UNC80: variants seen among roughly 807,000 people sequenced by gnomAD.
The protein encoded by UNC80 is protein unc-80 homolog.
A neutral mutation model predicts 384.6 loss-of-function variants in UNC80; 164 were observed. The observed-to-expected ratio is 0.43, with a 90% CI of 0.38 to 0.49. The LOEUF is 0.49. UNC80 is among the 20% of genes least tolerant of loss of function. The probability of loss-of-function intolerance (pLI) is 0.00; values close to 1 mark genes in which losing one functional copy is unlikely to be tolerated. For synonymous variants in UNC80, 1,486 were observed against 1,527.8 expected (o/e 0.97, Z 0.64); for missense variants, 3,330 against 4,143.0 (o/e 0.80, Z 5.39).
intron 36 of UNC80, among the ~76,000 whole-genome samples, chr2:209,927,352 C>T (rs1011573246): frequency 3.3e-5 from 5 of 152,168 alleles, no homozygotes; most frequent in South Asian, 2.1e-4. Flanking sequence ...CCTTTCCTGA[C>T]GTGCTAACTA....
intron 44 of UNC80, among the ~76,000 whole-genome samples, chr2:209,942,592 G>T (rs1266310746): frequency 6.6e-6 from 1 of 152,120 alleles, no homozygotes; most frequent in Non-Finnish European, 1.5e-5. Context: ...TAAAAATTAT[G>T]ATCACAACAC....
chr2:209,772,677 A>G (rs1432848362), intron 1 of UNC80, among the ~76,000 whole-genome samples: 3 of 152,182 alleles, frequency 2.0e-5, no homozygotes, highest in Non-Finnish European at 4.4e-5. Flanking sequence ...CCTGACACCT[A>G]TTCCAATAAA....
In UNC80 at chr2:209,887,740, C is replaced by CTTTTTAAAAAT; in HGVS notation, c.4111-355_4111-354insTTTTTAAAAAT. Among the ~76,000 whole-genome samples, 5 of 152,266 alleles carry CTTTTTAAAAAT rather than the reference C, an allele frequency of 3.3e-5. No individual in the cohort carries two copies. In the South Asian group the frequency reaches 8.3e-4, roughly 25 times the overall value. ...ATTTATCCTTCAGTACCTAACACAT[C>CTTTTTAAAAAT]CATGCTTGATGCATGATTTTTAAAT... On this transcript the variant is annotated intron_variant, in intron 25 of 64. Coordinates refer to ENST00000673920, the MANE Select transcript of UNC80 (RefSeq NM_001371986.1).
In UNC80 at chr2:209,842,331, T is replaced by A; in HGVS notation, c.3358-19T>A. 1 of 1,497,142 alleles carries A rather than the reference T, an allele frequency of 6.7e-7. No homozygotes were observed. The highest frequency in any genetic ancestry group is 9.0e-7 in the Non-Finnish European group (1 of 1,107,352). 92.7% of individuals were successfully genotyped at this position (1,497,142 alleles called of 1,614,324 possible). A position where few individuals can be genotyped will look rare whatever the true frequency, so the allele number is the denominator to read the frequency against. Reference sequence around the variant, plus strand: ...TTTGAATCTTATCTCTCTACTTTCCTTTTTTTTTCTTTTTTCAGGTCAAAT... The same window carrying A: ...TTTGAATCTTATCTCTCTACTTTCCATTTTTTTTCTTTTTTCAGGTCAAAT... On this transcript the variant is annotated intron_variant, in intron 20 of 64. Coordinates refer to ENST00000673920, the MANE Select transcript of UNC80 (RefSeq NM_001371986.1).
At chr2:209,818,927 A>G (rs1193550157) in intron 11 of UNC80, 66 bp from the exon 12 acceptor site, 5 of 1,485,864 alleles carry the variant, frequency 3.4e-6, no homozygotes, top group African/African-American at 1.4e-5. Context: ...AAGTAATAGT[A>G]TAACTGTCTA....
chr2:209,973,638 G>A lies in UNC80; in HGVS notation c.8587+368G>A, dbSNP rs867265515. On this transcript the variant is annotated intron_variant, in intron 56 of 64. Transcript: ENST00000673920. ...TCTGCAGTAAAGATTCTTCCATGCTGATTAAGTACCAGATCACTAGTGAGG... is the reference window on the plus strand; with the variant it reads ...TCTGCAGTAAAGATTCTTCCATGCTAATTAAGTACCAGATCACTAGTGAGG... Among the ~76,000 whole-genome samples the A allele has an allele frequency of 3.3e-5, 5 of 152,310 alleles. No homozygotes were observed. In the South Asian group the frequency reaches 1.0e-3, roughly 32 times the overall value.
chr2:209,775,805 T>C, intron 2 of UNC80, 84 bp from the exon 3 acceptor site: 1 of 1,435,538 alleles, frequency 7.0e-7, no homozygotes, highest in Non-Finnish European at 9.5e-7. Context: ...TGTTCATTTT[T>C]TCACTAACCA....
chr2:209,939,504 G>A lies in UNC80; in HGVS notation c.6498G>A (p.Arg2166=). ...VFTRKLEEVG[R]VLFLISLTQK... ...CCCGAAAGCTGGAAGAAGTAGGGCG[G>A]GTGTTGTTTCTCATCTCCCTAACCC... The change falls in exon 43 of 65, where the codon CGG becomes CGA. Residue 2166 remains arginine, a synonymous_variant. Transcript: ENST00000673920. 6.4e-7 allele frequency: 1 copy of A among 1,551,118 alleles called. No homozygotes were observed.
Position 209,973,123 on chromosome 2 carries a change from C to A in UNC80, c.8440C>A (p.Leu2814Ile), listed in dbSNP as rs750786142. The A allele has an allele frequency of 6.4e-6, 10 of 1,551,544 alleles. No homozygotes were observed. ...GCTGCTGCAGACAGTCATCAATGTA[C>A]TCCTCCCACCGCGGATCATCAGCAC... is the stretch of plus-strand genomic sequence containing the variant. ...QLLLQTVINVLLPPRIISTSR... is the reference protein window; with the variant it reads ...QLLLQTVINVILPPRIISTSR... Residue 2814 changes from leucine (L) to isoleucine (I), a missense_variant, in exon 56 of 65, where the codon CTC (leucine) becomes ATC (isoleucine). By Grantham distance (5) the Leu-to-Ile change is conservative (BLOSUM62 2). Transcript: ENST00000673920.
At chr2:209,784,232 A>G (rs2077301695) in intron 4 of UNC80, among the ~76,000 whole-genome samples, 1 of 152,110 alleles carries the variant, frequency 6.6e-6, no homozygotes, top group South Asian at 2.1e-4. Context: ...TTTCACCTAT[A>G]TAACAATAGC....
intron 23 of UNC80, among the ~76,000 whole-genome samples, chr2:209,876,633 T>C (rs964741229): frequency 6.6e-6 from 1 of 152,182 alleles, no homozygotes; most frequent in African/African-American, 2.4e-5. Context: ...TTGGCTCCAT[T>C]CCAGACTCAT....
intron 7 of UNC80, among the ~76,000 whole-genome samples, chr2:209,806,246 C>A (rs1037878150): frequency 6.6e-6 from 1 of 152,140 alleles, no homozygotes; most frequent in Admixed American, 6.6e-5. Flanking sequence ...GACATGTAGA[C>A]AGTAAATGAT....
At chr2:209,777,666 A>G (rs2076941622) in intron 4 of UNC80, 107 bp downstream of exon 4, 7 of 1,226,866 alleles carry the variant, frequency 5.7e-6, no homozygotes, top group Non-Finnish European at 8.0e-6. Context: ...ATGACCTTAC[A>G]GCAAGTCAAG....
chr2:209,962,762 G>T (rs2092632825), intron 51 of UNC80, among the ~76,000 whole-genome samples: 1 of 152,138 alleles, frequency 6.6e-6, no homozygotes, highest in Non-Finnish European at 1.5e-5. Context: ...GCTGATTAGG[G>T]GCAGATCCAG....
chr2:209,873,199 C>A (rs1409128837), intron 23 of UNC80, among the ~76,000 whole-genome samples: 2 of 152,158 alleles, frequency 1.3e-5, no homozygotes, highest in East Asian at 3.9e-4. Context: ...GAAGTTTATA[C>A]AGGTCAAGCG....
At chr2:209,840,255 G>T (rs542892285) in intron 19 of UNC80, among the ~76,000 whole-genome samples, 1 of 152,322 alleles carries the variant, frequency 6.6e-6, no homozygotes, top group South Asian at 2.1e-4. Flanking sequence ...CATTTGAGAA[G>T]TATTTAAGAG....
chr2:209,785,914 A>G, intron 4 of UNC80, 152 bp from the exon 5 acceptor site: 4 of 864,900 alleles, frequency 4.6e-6, no homozygotes, highest in Admixed American at 2.6e-5. Flanking sequence ...GGTTTACTCT[A>G]GAAACATTCA....
chr2:209,971,140 ATTC>A (rs1433863333), intron 54 of UNC80, among the ~76,000 whole-genome samples, 183 bp downstream of exon 54: 1 of 152,148 alleles, frequency 6.6e-6, no homozygotes, highest in Non-Finnish European at 1.5e-5. Context: ...TGCTTCTGTA[ATTC>A]TTCTTGAGAT....
intron 21 of UNC80, among the ~76,000 whole-genome samples, chr2:209,849,023 C>A (rs78466245): frequency 0.013 from 1,943 of 152,116 alleles, 45 homozygotes; most frequent in African/African-American, 0.043. Flanking sequence ...CATGCTGTAC[C>A]CAATGTACAC....
Sources: allele counts gnomAD v4.1 joint callset (sites outside exome capture counted in the v4.1 genomes callset), GRCh38; gene constraint gnomAD v4.1.1; transcripts MANE v1.5; gene names NCBI Gene and HGNC (gene_info 2026-07-23, HGNC 2026-07-21).